Variants in PLAT observed in about 807,000 individuals in gnomAD.
PLAT encodes the protein plasminogen activator, tissue type.
PLAT carries 48 observed loss-of-function variants against 74.9 expected under a neutral mutation model. That is an observed-to-expected ratio of 0.64 (90% confidence interval 0.51 to 0.82). The LOEUF (loss-of-function observed/expected upper bound fraction) is 0.82, where lower values mean the gene tolerates loss of function less well. Ranked by LOEUF, PLAT falls within the 40% of genes least tolerant of loss-of-function variation. PLAT has a pLI of 0.00. For missense variants in PLAT, 673 were observed against 736.2 expected (o/e 0.91, Z 0.99); for synonymous variants, 307 against 294.4 (o/e 1.04, Z -0.44).
intron 9 of PLAT, 131 bp downstream of exon 9, chr8:42,181,806 C>T: frequency 1.6e-6 from 1 of 630,562 alleles, no homozygotes; most frequent in Non-Finnish European, 2.9e-6. Flanking sequence ...TGGAAGCCCC[C>T]TCCCCACCCA....
At chr8:42,185,346 C>A (rs764634494) in intron 6 of PLAT, 174 bp from the exon 7 acceptor site, 21 of 432,656 alleles carry the variant, frequency 4.9e-5, no homozygotes, top group Non-Finnish European at 8.2e-5. Flanking sequence ...TCACTGCAAC[C>A]TCCGTTTCCT....
chr8:42,204,226 G>A (rs1271925671), intron 1 of PLAT, among the ~76,000 whole-genome samples: 1 of 151,824 alleles, frequency 6.6e-6, no homozygotes, highest in East Asian at 1.9e-4. Flanking sequence ...CCACCATATG[G>A]TTTTGTGAGC....
chr8:42,180,731 G>A, intron 9 of PLAT, 46 bp from the exon 10 acceptor site: 3 of 1,409,076 alleles, frequency 2.1e-6, no homozygotes, highest in Non-Finnish European at 1.9e-6. Context: ...CAGGCCTCCT[G>A]CACGTGTGTA....
At chr8:42,200,668 C>A (rs1296533312) in intron 1 of PLAT, among the ~76,000 whole-genome samples, 1 of 101,122 alleles carries the variant, frequency 9.9e-6, no homozygotes, top group Non-Finnish European at 1.9e-5. Context: ...GAGCAAGATC[C>A]TGTCTCAAAA....
chr8:42,189,139 C>A, intron 3 of PLAT, 68 bp from the exon 4 acceptor site: 1 of 1,550,588 alleles, frequency 6.4e-7, no homozygotes. Context: ...TACCCTTGCA[C>A]CTACTGAGAA....
In PLAT at chr8:42,187,458, G is replaced by T; in HGVS notation, c.479C>A (p.Pro160His). The change falls in exon 6 of 14, where the codon CCC becomes CAC. Residue 160 changes from proline to histidine, a missense_variant. Physicochemically the swap from Pro to His is moderately conservative, Grantham distance 77 (BLOSUM62 -2). Coordinates refer to ENST00000220809, the MANE Select transcript of PLAT (RefSeq NM_000930.5). The stretch of plus-strand genomic sequence containing the variant: ...GGCGTCTGGCCTCCGCCCGCTGTAG[G>T]GCTTCTGGGCCAACGCGCTGCTGTT... ...NWNSSALAQK[P>H]YSGRRPDAIR... 6.2e-7 allele frequency: 1 copy of T among 1,606,758 alleles called. No homozygotes were observed. Among genetic ancestry groups the T allele is most frequent in the Non-Finnish European group, 8.5e-7 (1 of 1,179,604 alleles).
Position 42,175,972 on chromosome 8 carries a change from T to A in PLAT, c.*21A>T, listed in dbSNP as rs747174369. The stretch of plus-strand genomic sequence containing the variant: ...GAAGAGGCGGGATCTCATTTGCTTT[T>A]GAGGAGTCGGGTGTTCCTGGTCACG... On this transcript the variant is annotated 3_prime_UTR_variant, in exon 14 of 14. Transcript: ENST00000220809. 6.2e-7 allele frequency: 1 copy of A among 1,612,738 alleles called. No individual in the cohort carries two copies.
chr8:42,186,705 CTATT>C (rs1324704466), intron 6 of PLAT: 3 of 152,134 alleles, frequency 2.0e-5, no homozygotes, highest in Non-Finnish European at 2.9e-5. Context: ...CTCTCTCTCT[CTATT>C]TCTCTCTCCT....
chr8:42,203,988 TA>T (rs1806234461), intron 1 of PLAT, among the ~76,000 whole-genome samples: 1 of 123,262 alleles, frequency 8.1e-6, no homozygotes, highest in Admixed American at 7.5e-5. Context: ...TATATATATA[TA>T]TATACACACA....
In PLAT at chr8:42,189,034, C is replaced by G; in HGVS notation, c.153G>C (p.Gln51His). The G allele has an allele frequency of 1.2e-6, 2 of 1,614,034 alleles. No individual in the cohort carries two copies. The highest frequency in any genetic ancestry group is 1.7e-6 in the Non-Finnish European group (2 of 1,179,882). Reference sequence around the variant, plus strand: ...CAGGGCGCAGCCATGACTGATGTTGCTGGTATATCATCTGCGTTTTTTCAT... The same window carrying G: ...CAGGGCGCAGCCATGACTGATGTTGGTGGTATATCATCTGCGTTTTTTCAT... Reference protein sequence around the residue: ...CRDEKTQMIYQQHQSWLRPVL... With the variant: ...CRDEKTQMIYHQHQSWLRPVL... The change falls in exon 4 of 14, where the codon CAG becomes CAC. Residue 51 changes from glutamine to histidine, a missense_variant. Transcript: ENST00000220809.
In PLAT at chr8:42,180,593, T is replaced by A. The variant is rs752402331; in HGVS notation, c.982A>T (p.Ile328Phe). ...DIASHPWQAA[I>F]FAKHRRSPGE... ...GGCGACCTCCTGTGCTTGGCAAAGA[T>A]GGCAGCCTGCCAGGGGTGGGAGGCG... The change falls in exon 10 of 14, where the codon ATC becomes TTC. Residue 328 changes from isoleucine to phenylalanine, a missense_variant. Transcript: ENST00000220809. The A allele has an allele frequency of 3.7e-6, 6 of 1,613,520 alleles. No homozygotes were observed. In the Admixed American group the frequency reaches 5.0e-5, roughly 13 times the overall value.
chr8:42,191,442 G>T (rs1422708915), intron 2 of PLAT, 28 bp from the exon 3 acceptor site: 7 of 1,611,368 alleles, frequency 4.3e-6, no homozygotes, highest in Non-Finnish European at 5.9e-6. Flanking sequence ...GTGGAGGAAG[G>T]ATCAGCACAT....
chr8:42,180,198 T>C, intron 11 of PLAT, 44 bp downstream of exon 11: 1 of 1,611,570 alleles, frequency 6.2e-7, no homozygotes, highest in Non-Finnish European at 8.5e-7. Flanking sequence ...GTGGGTGTGT[T>C]GTGTGATCTG....
chr8:42,182,749 G>A lies in PLAT; in HGVS notation c.773C>T (p.Ala258Val), dbSNP rs778940973. 5 of 1,611,738 alleles carry A rather than the reference G, an allele frequency of 3.1e-6. No individual in the cohort carries two copies. In the East Asian group the frequency reaches 8.9e-5, roughly 29 times the overall value. The change falls in exon 8 of 14, where the codon GCA (alanine) becomes GTA (valine). Residue 258 changes from alanine to valine, a missense_variant. Transcript: ENST00000220809. ...GTAATTATGTTTGCCCAGGCCCAGTGCCTGGGCACTGGGGTTCTGTGCTGT... is the reference window on the plus strand; with the variant it reads ...GTAATTATGTTTGCCCAGGCCCAGTACCTGGGCACTGGGGTTCTGTGCTGT... ...VYTAQNPSAQ[A>V]LGLGKHNYCR...
chr8:42,182,962 A>C (rs1453807499), intron 7 of PLAT, 72 bp from the exon 8 acceptor site: 3 of 1,294,744 alleles, frequency 2.3e-6, no homozygotes, highest in Non-Finnish European at 3.3e-6. Context: ...TGGGGCTTGA[A>C]GCGGAGCTGC....
In PLAT at chr8:42,180,149, G is replaced by C; in HGVS notation, c.1223-83C>G. The C allele has an allele frequency of 2.5e-6, 4 of 1,587,574 alleles. No homozygotes were observed. The South Asian group carries it at 4.6e-5, about 18-fold the overall frequency. On this transcript the variant is annotated intron_variant, in intron 11 of 13. Transcript: ENST00000220809. Reference sequence around the variant, plus strand: ...GAACACGCAGGAGGGGCAGGGGCTGGAGGAGGAGGCCCGTGTGTGTAAACA... The same window carrying C: ...GAACACGCAGGAGGGGCAGGGGCTGCAGGAGGAGGCCCGTGTGTGTAAACA...
intron 12 of PLAT, among the ~76,000 whole-genome samples, chr8:42,179,576 C>T (rs1220526037): frequency 1.3e-5 from 2 of 152,174 alleles, no homozygotes; most frequent in Admixed American, 1.3e-4. Context: ...AATAAAAATC[C>T]ATGTCCACGG....
intron 1 of PLAT, among the ~76,000 whole-genome samples, chr8:42,194,241 A>AGAGAGAGAGAGAGAGAGTGTGTGTGTGT (rs1419569830): frequency 5.7e-5 from 3 of 52,544 alleles, no homozygotes; most frequent in Admixed American, 2.6e-4. Context: ...AGAGAGAGAG[A>AGAGAGAGAGAGAGAGAGTGTGTGTGTGT]GTGTGTGTGT....
At chr8:42,196,477 G>A (rs193143749) in intron 1 of PLAT, among the ~76,000 whole-genome samples, 14 of 152,322 alleles carry the variant, frequency 9.2e-5, no homozygotes, top group Admixed American at 5.2e-4. Flanking sequence ...TGAGTCATCC[G>A]GCCAGCAGAA....
Sources: allele counts gnomAD v4.1 joint callset (sites outside exome capture counted in the v4.1 genomes callset), GRCh38; gene constraint gnomAD v4.1.1; transcripts MANE v1.5; gene names NCBI Gene and HGNC (gene_info 2026-07-23, HGNC 2026-07-21).